TTC8: variants seen among roughly 807,000 people sequenced by gnomAD.
TTC8 encodes the protein tetratricopeptide repeat domain 8, also known as tetratricopeptide repeat protein 8.
Under a neutral mutation model 72.5 loss-of-function variants are expected in TTC8, and 47 were observed. The observed-to-expected ratio is 0.65, with a 90% CI of 0.51 to 0.83. TTC8 has a LOEUF of 0.83. Among genes scored for constraint, TTC8 ranks in the 40% least tolerant of loss-of-function variants. The pLI, the probability that TTC8 is intolerant of heterozygous loss-of-function variation, is 0.00. For synonymous variants in TTC8, 199 were observed against 221.4 expected, an observed-to-expected ratio of 0.90 and a Z score of 0.90; for missense variants, 611 against 623.2, an observed-to-expected ratio of 0.98 and a Z score of 0.21.
In TTC8 at chr14:88,857,250, G is replaced by T. The variant is rs760605672; in HGVS notation, c.771G>T (p.Met257Ile). Residue 257 changes from methionine (M) to isoleucine (I), a missense_variant, in exon 9 of 15, where the codon ATG (methionine) becomes ATT (isoleucine). Physicochemically the swap from Met to Ile is conservative, Grantham distance 10. Transcript: ENST00000380656. ...AATCAGCCCTGAAGCAGCAGGAAAT[G>T]GTAGATACATTTCTGTACTTGGCAA... ...QFKSALKQQEMVDTFLYLAKV... is the reference protein window; with the variant it reads ...QFKSALKQQEIVDTFLYLAKV... The T allele has an allele frequency of 6.2e-7, 1 of 1,613,812 alleles. No homozygotes were observed. Among genetic ancestry groups the T allele is most frequent in the Non-Finnish European group, 8.5e-7 (1 of 1,179,880 alleles).
At chr14:88,840,497 G>T (rs1457317707) in intron 3 of TTC8, among the ~76,000 whole-genome samples, 2 of 152,108 alleles carry the variant, frequency 1.3e-5, no homozygotes, top group Non-Finnish European at 2.9e-5. Context: ...TTTATTGGGA[G>T]AAGTTTGTAT....
intron 8 of TTC8, among the ~76,000 whole-genome samples, chr14:88,856,418 AACATT>A (rs2094856300): frequency 6.6e-6 from 1 of 152,200 alleles, no homozygotes; most frequent in African/African-American, 2.4e-5. Flanking sequence ...CACAAAATAA[AACATT>A]ATCGTATCTG....
chr14:88,825,359 A>C (rs1192988325), intron 1 of TTC8, among the ~76,000 whole-genome samples: 3 of 152,188 alleles, frequency 2.0e-5, no homozygotes, highest in African/African-American at 7.2e-5. Context: ...AAGAATGAGA[A>C]TCTAGGAGGG....
Position 88,857,242 on chromosome 14 carries a change from C to G in TTC8, c.763C>G (p.Gln255Glu), listed in dbSNP as rs893657865. 1 of 1,613,814 alleles carries G rather than the reference C, an allele frequency of 6.2e-7. No homozygotes were observed. Among genetic ancestry groups the G allele is most frequent in the Non-Finnish European group, 8.5e-7 (1 of 1,179,894 alleles). Reference protein sequence around the residue: ...EKQFKSALKQQEMVDTFLYLA... With the variant: ...EKQFKSALKQEEMVDTFLYLA... ...ACAGTTTAAATCAGCCCTGAAGCAGCAGGAAATGGTAGATACATTTCTGTA... is the reference window on the plus strand; with the variant it reads ...ACAGTTTAAATCAGCCCTGAAGCAGGAGGAAATGGTAGATACATTTCTGTA... The change falls in exon 9 of 15, where the codon CAG (glutamine) becomes GAG (glutamate). Residue 255 changes from glutamine to glutamate, a missense_variant. Physicochemically the swap from Gln to Glu is conservative, Grantham distance 29. Transcript: ENST00000380656.
At chr14:88,830,395 C>A (rs1486856345) in intron 1 of TTC8, among the ~76,000 whole-genome samples, 6 of 152,268 alleles carry the variant, frequency 3.9e-5, no homozygotes, top group African/African-American at 1.4e-4. Flanking sequence ...TCTTCCATCA[C>A]TGGGAGTCAG....
At position 88,871,402 on chromosome 14, in the gene TTC8, A is replaced by T; in HGVS notation, c.1050-147A>T. ...TTGTATTTGCTTTAAACATTTTTTC[A>T]TTTACTATAACACGTATTTATATTC... On this transcript the variant is annotated intron_variant, in intron 11 of 14. Transcript: ENST00000380656. The surrounding 1 kb of genome is among the most constrained non-coding windows in gnomAD (Gnocchi z 4.1). The T allele has an allele frequency of 2.7e-6, 2 of 734,200 alleles. No homozygotes were observed. Among genetic ancestry groups the T allele is most frequent in the Admixed American group, 5.1e-5 (2 of 39,472 alleles). 45.5% of individuals were successfully genotyped at this position (734,200 alleles called of 1,614,324 possible). A position where few individuals can be genotyped will look rare whatever the true frequency, so the allele number is the denominator to read the frequency against.
intron 7 of TTC8, chr14:88,846,686 T>C: frequency 8.3e-6 from 11 of 1,324,192 alleles, no homozygotes; most frequent in Non-Finnish European, 1.1e-5. Context: ...GTAAGATTTA[T>C]TCCCTGCACT....
In TTC8 at chr14:88,843,948, G is replaced by T. The variant is rs1013412005; in HGVS notation, c.624+98G>T. 9 of 896,564 alleles carry T rather than the reference G, an allele frequency of 1.0e-5. 1 individual carries two copies. Among genetic ancestry groups the T allele is most frequent in the East Asian group, 5.4e-5 (2 of 37,082 alleles). 55.5% of individuals were successfully genotyped at this position (896,564 alleles called of 1,614,324 possible). A position where few individuals can be genotyped will look rare whatever the true frequency, so the allele number is the denominator to read the frequency against. On this transcript the variant is annotated intron_variant, in intron 7 of 14. Coordinates refer to ENST00000380656, the MANE Select transcript of TTC8 (RefSeq NM_144596.4). ...TCTATTTCTGACCTTATAAACAGAT[G>T]AAATTATTAAAGATTGGAGAACTAC...
At chr14:88,848,913 A>G (rs1336460085) in intron 7 of TTC8, among the ~76,000 whole-genome samples, 2 of 152,170 alleles carry the variant, frequency 1.3e-5, no homozygotes, top group Non-Finnish European at 2.9e-5. Flanking sequence ...CAATAATGTT[A>G]TAGTAAAATG....
In TTC8 at chr14:88,870,062, A is replaced by G. The variant is rs143237548; in HGVS notation, c.913A>G (p.Met305Val). Reference sequence around the variant, plus strand: ...CTTCTCTCTTGATGGAGAATAGGAAATGAACAATATGTCATCAGCAGCAGA... The same window carrying G: ...CTTCTCTCTTGATGGAGAATAGGAAGTGAACAATATGTCATCAGCAGCAGA... Reference protein sequence around the residue: ...LCGIARIYEEMNNMSSAAEYY... With the variant: ...LCGIARIYEEVNNMSSAAEYY... Residue 305 changes from methionine to valine, a missense_variant, in exon 11 of 15, where the codon ATG becomes GTG. Coordinates refer to ENST00000380656, the MANE Select transcript of TTC8 (RefSeq NM_144596.4). The G allele has an allele frequency of 8.1e-6, 13 of 1,613,826 alleles. No individual in the cohort carries two copies. In the African/African-American group the frequency reaches 1.7e-4, roughly 22 times the overall value.
At chr14:88,856,617 G>A (rs2094857284) in intron 8 of TTC8, among the ~76,000 whole-genome samples, 1 of 152,052 alleles carries the variant, frequency 6.6e-6, no homozygotes, top group Admixed American at 6.5e-5. Context: ...ATTTAGGCAA[G>A]GAGCAAATCT....
intron 11 of TTC8, among the ~76,000 whole-genome samples, chr14:88,870,596 T>C (rs1251053504): frequency 3.9e-5 from 6 of 152,222 alleles, no homozygotes; most frequent in African/African-American, 1.4e-4. Flanking sequence ...TTCTGAACCT[T>C]GATGAGGACC....
chr14:88,852,894 T>C (rs1440842655), intron 7 of TTC8, 77 bp from the exon 8 acceptor site: 1 of 1,196,366 alleles, frequency 8.4e-7, no homozygotes, highest in Non-Finnish European at 1.2e-6. Context: ...AATTATATGG[T>C]CTATTTCATT....
At chr14:88,856,015 G>A (rs551250324) in intron 8 of TTC8, among the ~76,000 whole-genome samples, 1 of 152,302 alleles carries the variant, frequency 6.6e-6, no homozygotes, top group African/African-American at 2.4e-5. Flanking sequence ...GCCCCAGAGG[G>A]CAAGGCTGCG....
intron 13 of TTC8, among the ~76,000 whole-genome samples, chr14:88,874,144 A>G (rs1332327251): frequency 6.6e-6 from 1 of 152,114 alleles, no homozygotes; most frequent in African/African-American, 2.4e-5. Context: ...TACTTACTGT[A>G]GTTTCTCTAG....
chr14:88,828,204 T>A (rs1179432498), intron 1 of TTC8, among the ~76,000 whole-genome samples: 4 of 151,970 alleles, frequency 2.6e-5, no homozygotes, highest in East Asian at 1.9e-4. Flanking sequence ...AATCAATTTT[T>A]AAAATGCTTC....
intron 2 of TTC8, among the ~76,000 whole-genome samples, chr14:88,835,635 C>G (rs546120425): frequency 6.6e-6 from 1 of 151,774 alleles, no homozygotes; most frequent in East Asian, 1.9e-4. Flanking sequence ...ACTGTGTGAC[C>G]CTCCCATTTG....
At chr14:88,826,889 T>C (rs2094704112) in intron 1 of TTC8, among the ~76,000 whole-genome samples, 1 of 152,214 alleles carries the variant, frequency 6.6e-6, no homozygotes, top group African/African-American at 2.4e-5. Flanking sequence ...ATTTGGGAAA[T>C]GTATGTTCCT....
intron 7 of TTC8, 137 bp from the exon 8 acceptor site, chr14:88,852,834 G>A: frequency 1.3e-6 from 1 of 745,348 alleles, no homozygotes. Flanking sequence ...CTGGAAACAT[G>A]AGCAACTTGA....
Sources: gnomAD v4.1 joint callset for allele counts (sites outside exome capture counted in the v4.1 genomes callset) on GRCh38, gnomAD v4.1.1 for gene constraint, Gnocchi (gnomAD v3.1) non-coding constraint, MANE v1.5 for transcripts, NCBI Gene and HGNC (gene_info 2026-07-23, HGNC 2026-07-21) for gene names.